ZNF184: variants seen among roughly 807,000 people sequenced by gnomAD.
ZNF184 encodes zinc finger protein 184, also known as zinc finger protein 184 (Kruppel-like).
In ZNF184, 16 loss-of-function variants were observed where a neutral mutation model predicts 54.4. The ratio of observed to expected loss-of-function variants is 0.29; its 90% confidence interval spans 0.20 to 0.45. The LOEUF (loss-of-function observed/expected upper bound fraction) is 0.45. Ranked by LOEUF, ZNF184 falls within the 20% of genes least tolerant of loss-of-function variation. The pLI is 1.00. For synonymous variants in ZNF184, 254 were observed against 295.3 expected (o/e 0.86, Z 1.43); for missense variants, 681 against 888.2 (o/e 0.77, Z 2.97).
the ZNF184 span, among the ~76,000 whole-genome samples, chr6:27,411,019 C>A: frequency 1.3e-5 from 2 of 152,036 alleles, no homozygotes; most frequent in African/African-American, 2.4e-5. Flanking sequence ...TGTGCTACTA[C>A]AACAAAAACT....
chr6:27,422,149 AAAG>A, the ZNF184 span, among the ~76,000 whole-genome samples: 2 of 16,822 alleles, frequency 1.2e-4, no homozygotes, highest in Non-Finnish European at 2.8e-4. Context: ...TCAAAAAAAA[AAAG>A]AAAGAAAGAA....
downstream of ZNF184, among the ~76,000 whole-genome samples, chr6:27,449,209 C>T (rs1762671708): frequency 6.6e-6 from 1 of 152,146 alleles, no homozygotes; most frequent in Admixed American, 6.5e-5. Flanking sequence ...TGCTTAGTCT[C>T]TATATGCCCA....
At chr6:27,419,505 G>T in the ZNF184 span, among the ~76,000 whole-genome samples, 27 of 151,460 alleles carry the variant, frequency 1.8e-4, no homozygotes, top group African/African-American at 6.6e-4. This position sits in a 1 kb window ranked among gnomAD's most constrained non-coding sequence, Gnocchi z 4.8. Context: ...TCCCTGCAGG[G>T]TACATATCTA....
chr6:27,461,283 A>G (rs1762988788), intron 3 of ZNF184, among the ~76,000 whole-genome samples: 1 of 152,182 alleles, frequency 6.6e-6, no homozygotes, highest in South Asian at 2.1e-4. Context: ...AGGACTCAGA[A>G]GCCTGTACCT....
the ZNF184 span, among the ~76,000 whole-genome samples, chr6:27,413,927 T>C: frequency 6.6e-6 from 1 of 152,176 alleles, no homozygotes; most frequent in African/African-American, 2.4e-5. Context: ...ACTCAATGGA[T>C]CCTTCAGAGC....
At chr6:27,456,535 G>C (rs1260290866) in intron 5 of ZNF184, among the ~76,000 whole-genome samples, 1 of 152,192 alleles carries the variant, frequency 6.6e-6, no homozygotes, top group Non-Finnish European at 1.5e-5. Flanking sequence ...TGAGATCATG[G>C]TCCTAAAGGA....
At chr6:27,409,165 AAGAT>A in the ZNF184 span, among the ~76,000 whole-genome samples, 3 of 152,322 alleles carry the variant, frequency 2.0e-5, no homozygotes, top group East Asian at 1.9e-4. Flanking sequence ...AATTTGCTAT[AAGAT>A]AGATAGAGAC....
In ZNF184 at chr6:27,457,350, C is replaced by G; in HGVS notation, c.135G>C (p.Leu45=). ...TGAACAAATCTCTCTGGCCAGGGTC[C>G]AGCTGTTTCCATTCTTCCTGGGTAA... The part of the protein sequence containing the change: ...VDFTQEEWKQ[L]DPGQRDLFRD... Residue 45 remains leucine (L), a synonymous_variant, in exon 4 of 6, where the codon CTG becomes CTC. Transcript: ENST00000683788. 1.2e-6 allele frequency: 2 copies of G among 1,613,992 alleles called. No individual in the cohort carries two copies. The highest frequency in any genetic ancestry group is 1.7e-6 in the Non-Finnish European group (2 of 1,179,982).
chr6:27,439,615 T>C, the ZNF184 span, among the ~76,000 whole-genome samples: 1 of 152,214 alleles, frequency 6.6e-6, no homozygotes, highest in African/African-American at 2.4e-5. Context: ...TATCTTATCA[T>C]CTCGCATCAT....
chr6:27,424,407 C>T, the ZNF184 span, among the ~76,000 whole-genome samples: 7 of 152,190 alleles, frequency 4.6e-5, no homozygotes, highest in African/African-American at 1.7e-4. Context: ...TGCTTTTATT[C>T]TCTTATCTGG....
rs779315009 is a variant in ZNF184 at position 27,453,788 on chromosome 6, C to A, written c.299-528G>T. Reference sequence around the variant, plus strand: ...AAATAATTTAGCAGGGAGAAACTAACAAGTTCAAGTCTAGGCATTTTGAGA... The same window carrying A: ...AAATAATTTAGCAGGGAGAAACTAAAAAGTTCAAGTCTAGGCATTTTGAGA... On this transcript the variant is annotated intron_variant, in intron 5 of 5. Transcript: ENST00000683788. This position sits in a 1 kb window ranked among gnomAD's most constrained non-coding sequence, Gnocchi z 4.7. Among the ~76,000 whole-genome samples, 1 of 152,122 alleles carries A rather than the reference C, an allele frequency of 6.6e-6. No individual in the cohort carries two copies. Among genetic ancestry groups the A allele is most frequent in the South Asian group, 2.1e-4 (1 of 4,824 alleles).
Position 27,453,358 on chromosome 6 carries a change from A to T in ZNF184, c.299-98T>A, listed in dbSNP as rs1478404665. 8.0e-7 allele frequency: 1 copy of T among 1,250,836 alleles called. No homozygotes were observed. Among genetic ancestry groups the T allele is most frequent in the African/African-American group, 1.5e-5 (1 of 65,274 alleles). The allele number at this position is 1,250,836 out of a possible 1,614,324, so 77.5% of individuals were successfully genotyped here. A position where few individuals can be genotyped will look rare whatever the true frequency, so the allele number is the denominator to read the frequency against. Reference sequence around the variant, plus strand: ...TGATACTGAAAAATAAATCTCTCAGAAAATTCTAATGGTTTTCAAATATAT... The same window carrying T: ...TGATACTGAAAAATAAATCTCTCAGTAAATTCTAATGGTTTTCAAATATAT... On this transcript the variant is annotated intron_variant, in intron 5 of 5. Transcript: ENST00000683788. The surrounding 1 kb of genome is among the most constrained non-coding windows in gnomAD (Gnocchi z 4.7).
At chr6:27,445,925 A>G (rs1194707828), downstream of ZNF184, among the ~76,000 whole-genome samples, 1 of 152,198 alleles carries the variant, frequency 6.6e-6, no homozygotes, top group African/African-American at 2.4e-5. Flanking sequence ...GGTGGAAGAA[A>G]TATCTATGCA....
At chr6:27,419,136 C>T in the ZNF184 span, among the ~76,000 whole-genome samples, 4 of 152,034 alleles carry the variant, frequency 2.6e-5, no homozygotes, top group Non-Finnish European at 5.9e-5. The surrounding 1 kb of genome is among the most constrained non-coding windows in gnomAD (Gnocchi z 4.8). Context: ...TCTCACTCTG[C>T]TCTGTTGCCC....
At chr6:27,425,759 C>T in the ZNF184 span, among the ~76,000 whole-genome samples, 1 of 152,216 alleles carries the variant, frequency 6.6e-6, no homozygotes, top group African/African-American at 2.4e-5. Flanking sequence ...CATCTTCTTA[C>T]TACTCAGTGA....
the ZNF184 span, among the ~76,000 whole-genome samples, chr6:27,415,740 G>C: frequency 6.6e-6 from 1 of 152,132 alleles, no homozygotes; most frequent in Non-Finnish European, 1.5e-5. Context: ...GAAAAAGTGG[G>C]CTCTGAAGTT....
chr6:27,423,541 C>T, the ZNF184 span, among the ~76,000 whole-genome samples: 90,269 of 151,706 alleles, frequency 0.6, 27,191 homozygotes, highest in Middle Eastern at 0.75. Context: ...CGGCTTGATC[C>T]TTCCCCCAAC....
chr6:27,433,195 G>T, the ZNF184 span, among the ~76,000 whole-genome samples: 3 of 152,172 alleles, frequency 2.0e-5, no homozygotes, highest in African/African-American at 7.2e-5. Flanking sequence ...AAGCCACTAT[G>T]TTTTGGGATA....
chr6:27,416,260 G>C, the ZNF184 span, among the ~76,000 whole-genome samples: 1 of 152,190 alleles, frequency 6.6e-6, no homozygotes, highest in African/African-American at 2.4e-5. Context: ...CTGCCTGATA[G>C]GACTATCGTG....
Sources: gnomAD v4.1 joint callset for allele counts (sites outside exome capture counted in the v4.1 genomes callset) on GRCh38, gnomAD v4.1.1 for gene constraint, Gnocchi (gnomAD v3.1) non-coding constraint, MANE v1.5 for transcripts, NCBI Gene and HGNC (gene_info 2026-07-23, HGNC 2026-07-21) for gene names.